NAV2: variants seen among roughly 807,000 people sequenced by gnomAD.
The protein encoded by NAV2 is neuron navigator 2.
A neutral mutation model predicts 223.2 loss-of-function variants in NAV2; 54 were observed. The ratio of observed to expected loss-of-function variants is 0.24; its 90% CI spans 0.19 to 0.30. NAV2 has a LOEUF of 0.30. Ranked by LOEUF, NAV2 falls within the 10% of genes least tolerant of loss-of-function variation. The probability of loss-of-function intolerance (pLI) is 1.00; values close to 1 mark genes in which losing one functional copy is unlikely to be tolerated. For missense variants in NAV2, 2,806 were observed against 3,147.5 expected (o/e 0.89, Z 2.60); for synonymous variants, 1,279 against 1,239.3 (o/e 1.03, Z -0.67).
chr11:19,530,274 G>A (rs2043987841), intron 1 of NAV2, among the ~76,000 whole-genome samples: 1 of 152,200 alleles, frequency 6.6e-6, no homozygotes, highest in South Asian at 2.1e-4. Flanking sequence ...TCCTACCACT[G>A]TGTGTATCCA....
At chr11:19,716,969 G>T (rs924351532) in intron 1 of NAV2, among the ~76,000 whole-genome samples, 4 of 152,296 alleles carry the variant, frequency 2.6e-5, no homozygotes, top group Non-Finnish European at 4.4e-5. Flanking sequence ...GAGTAGCAAA[G>T]GTAGAATTAG....
intron 11 of NAV2, among the ~76,000 whole-genome samples, chr11:20,030,768 C>A (rs1431989045): frequency 6.6e-6 from 1 of 152,164 alleles, no homozygotes; most frequent in Non-Finnish European, 1.5e-5. Flanking sequence ...GATTTCAATT[C>A]TTTTTACAAC....
intron 1 of NAV2, among the ~76,000 whole-genome samples, chr11:19,679,300 A>G (rs1376691964): frequency 1.3e-5 from 2 of 152,124 alleles, no homozygotes; most frequent in Non-Finnish European, 2.9e-5. Context: ...ACGTGGTGGC[A>G]CATGCCTGTA....
intron 1 of NAV2, among the ~76,000 whole-genome samples, chr11:19,721,704 T>G (rs7118901): frequency 0.59 from 90,098 of 152,100 alleles, 28,610 homozygotes; most frequent in African/African-American, 0.84. Context: ...AGGTCATTTG[T>G]GAGAAAATTG....
chr11:20,056,194 G>A (rs975917691), intron 19 of NAV2, among the ~76,000 whole-genome samples: 3 of 152,150 alleles, frequency 2.0e-5, no homozygotes, highest in Non-Finnish European at 4.4e-5. Flanking sequence ...AAAAATCACT[G>A]GTGAACCATA....
chr11:19,540,131 G>C (rs2134519099), intron 1 of NAV2, among the ~76,000 whole-genome samples: 1 of 152,226 alleles, frequency 6.6e-6, no homozygotes, highest in African/African-American at 2.4e-5. Flanking sequence ...CCCTTTCTTT[G>C]TTAGCTTGCA....
intron 36 of NAV2, among the ~76,000 whole-genome samples, chr11:20,110,517 G>T (rs558452566): frequency 3.9e-5 from 6 of 152,228 alleles, no homozygotes; most frequent in Non-Finnish European, 8.8e-5. Context: ...GCTCACGGAC[G>T]TTCTTGCCCC....
chr11:20,117,985 T>C, intron 37 of NAV2, 148 bp from the exon 38 acceptor site: 1 of 818,442 alleles, frequency 1.2e-6, no homozygotes. Context: ...CCTAGAAGCC[T>C]GGCCCAAAGT....
chr11:20,059,589 C>A (rs72909656), intron 19 of NAV2, among the ~76,000 whole-genome samples: 2 of 151,902 alleles, frequency 1.3e-5, no homozygotes, highest in South Asian at 2.1e-4. Context: ...TAAAAAAAAA[C>A]AAACAAATGA....
intron 1 of NAV2, among the ~76,000 whole-genome samples, chr11:19,706,638 G>C (rs1420042891): frequency 8.5e-5 from 13 of 152,184 alleles, no homozygotes; most frequent in South Asian, 2.1e-4. Context: ...TGAAACTTGA[G>C]AGCCGAGAGC....
At chr11:19,767,804 G>A (rs2055350301) in intron 1 of NAV2, among the ~76,000 whole-genome samples, 1 of 152,238 alleles carries the variant, frequency 6.6e-6, no homozygotes, top group South Asian at 2.1e-4. Context: ...GCTTGTCTCT[G>A]AAGGATGCAC....
chr11:19,685,951 A>T (rs2049011194), intron 1 of NAV2, among the ~76,000 whole-genome samples: 1 of 149,934 alleles, frequency 6.7e-6, no homozygotes. Context: ...CCAACTTAAA[A>T]CTCTCCAGAG....
chr11:19,535,734 A>G (rs572078885), intron 1 of NAV2, among the ~76,000 whole-genome samples: 4 of 152,288 alleles, frequency 2.6e-5, no homozygotes, highest in Non-Finnish European at 4.4e-5. Flanking sequence ...CAGTGGGCCC[A>G]ATCAAGCCTG....
intron 1 of NAV2, among the ~76,000 whole-genome samples, chr11:19,605,314 A>G (rs2046447377): frequency 6.6e-6 from 1 of 152,108 alleles, no homozygotes; most frequent in African/African-American, 2.4e-5. Flanking sequence ...TTGGGGGAGA[A>G]GCACTTAGTT....
At chr11:19,584,199 G>A (rs1188532036) in intron 1 of NAV2, among the ~76,000 whole-genome samples, 2 of 152,060 alleles carry the variant, frequency 1.3e-5, no homozygotes, top group African/African-American at 4.8e-5. Flanking sequence ...ATGGTTTTTT[G>A]TATTTCTGTG....
At chr11:19,857,884 T>C (rs1452195570) in intron 3 of NAV2, among the ~76,000 whole-genome samples, 1 of 152,204 alleles carries the variant, frequency 6.6e-6, no homozygotes, top group East Asian at 1.9e-4. Flanking sequence ...TTTGAGACAG[T>C]TTCACTCTGT....
At chr11:19,971,311 C>G (rs1190088805) in intron 10 of NAV2, among the ~76,000 whole-genome samples, 2 of 152,128 alleles carry the variant, frequency 1.3e-5, no homozygotes, top group African/African-American at 2.4e-5. Context: ...TTTCTTGTGG[C>G]CTGTGGTTTG....
At chr11:19,956,647 C>T (rs1167319046) in intron 10 of NAV2, among the ~76,000 whole-genome samples, 3 of 152,164 alleles carry the variant, frequency 2.0e-5, no homozygotes, top group Non-Finnish European at 4.4e-5. Flanking sequence ...GGTGTGGGGG[C>T]GGTGCAGAGC....
intron 1 of NAV2, among the ~76,000 whole-genome samples, chr11:19,408,654 C>T (rs1273287113): frequency 6.6e-6 from 1 of 152,212 alleles, no homozygotes; most frequent in Non-Finnish European, 1.5e-5. Context: ...AACCTCGCAA[C>T]AACCTTGTGA....
Sources: allele counts gnomAD v4.1 joint callset (sites outside exome capture counted in the v4.1 genomes callset), GRCh38; gene constraint gnomAD v4.1.1; transcripts MANE v1.5; gene names NCBI Gene and HGNC (gene_info 2026-07-23, HGNC 2026-07-21).